Variants in STPG2 observed in about 807,000 individuals in gnomAD.
STPG2 encodes sperm-tail PG-rich repeat-containing protein 2.
In STPG2, 56 loss-of-function variants were observed where a neutral mutation model predicts 54.2. The ratio of observed to expected loss-of-function variants is 1.03; its 90% CI spans 0.83 to 1.29. The LOEUF is 1.29. Ranked by LOEUF, STPG2 falls within the 50% of genes most tolerant of loss-of-function variation. The probability of loss-of-function intolerance (pLI) is 0.00; values close to 1 mark genes in which losing one functional copy is unlikely to be tolerated. For synonymous variants in STPG2, 200 were observed against 181.8 expected (o/e 1.10, Z -0.81); for missense variants, 596 against 544.9 (o/e 1.09, Z -0.93).
intron 9 of STPG2, among the ~76,000 whole-genome samples, chr4:97,776,550 G>A (rs777720108): frequency 1.3e-5 from 2 of 152,096 alleles, no homozygotes; most frequent in Non-Finnish European, 2.9e-5. Context: ...ATATTACAGC[G>A]AGATGAATGG....
rs547183232 is a variant in STPG2 at position 98,074,126 on chromosome 4, T to C, written c.612+31827A>G. Among the ~76,000 whole-genome samples, 17 of 152,366 alleles carry C rather than the reference T, an allele frequency of 1.1e-4. No individual in the cohort carries two copies. The East Asian group carries it at 1.2e-3, about 10-fold the overall frequency. ...CCTACTGAAATTACTTTGCCTGTTA[T>C]AGTTCTTTAGATTACTTTATTAAAA... On this transcript the variant is annotated intron_variant, in intron 5 of 10. Coordinates refer to ENST00000295268, the MANE Select transcript of STPG2 (RefSeq NM_174952.3).
At chr4:98,031,777 A>T (rs1736608412) in intron 5 of STPG2, among the ~76,000 whole-genome samples, 3 of 152,312 alleles carry the variant, frequency 2.0e-5, no homozygotes, top group African/African-American at 7.2e-5. Context: ...GAGTAAACAG[A>T]CAACCCAGAG....
chr4:97,839,689 A>G (rs1421399696), intron 9 of STPG2, among the ~76,000 whole-genome samples: 1 of 151,620 alleles, frequency 6.6e-6, no homozygotes, highest in African/African-American at 2.4e-5. Context: ...AAAAGAAAAT[A>G]AAAAGTGAAA....
chr4:97,889,439 C>T (rs1412601975), intron 8 of STPG2, among the ~76,000 whole-genome samples: 3 of 151,988 alleles, frequency 2.0e-5, no homozygotes, highest in Admixed American at 2.0e-4. Flanking sequence ...AGCAGATGAA[C>T]AGATAAAGAA....
At chr4:97,979,801 T>C (rs1734612927) in intron 6 of STPG2, among the ~76,000 whole-genome samples, 1 of 151,218 alleles carries the variant, frequency 6.6e-6, no homozygotes, top group African/African-American at 2.4e-5. Flanking sequence ...CTCGGCTCAC[T>C]GCAACCTCCG....
intron 10 of STPG2, among the ~76,000 whole-genome samples, chr4:97,622,212 G>A (rs1417869326): frequency 6.6e-6 from 1 of 152,060 alleles, no homozygotes; most frequent in African/African-American, 2.4e-5. Flanking sequence ...CTTGAATACT[G>A]GAACAAGACA....
At chr4:98,034,129 C>T (rs181790989) in intron 5 of STPG2, among the ~76,000 whole-genome samples, 7 of 152,016 alleles carry the variant, frequency 4.6e-5, no homozygotes, top group South Asian at 2.1e-4. Flanking sequence ...AAAAAATAAA[C>T]GGTATTCAAT....
chr4:97,633,224 CTAAG>C (rs1721354845), intron 10 of STPG2, among the ~76,000 whole-genome samples: 1 of 152,078 alleles, frequency 6.6e-6, no homozygotes, highest in African/African-American at 2.4e-5. Flanking sequence ...TTTGATGCTT[CTAAG>C]TGTCAAATAC....
At chr4:98,012,167 TG>T (rs1231041886) in intron 5 of STPG2, among the ~76,000 whole-genome samples, 1 of 152,216 alleles carries the variant, frequency 6.6e-6, no homozygotes, top group East Asian at 1.9e-4. Flanking sequence ...TTTCTGCATA[TG>T]GCTAGCCAGT....
chr4:97,699,673 G>A (rs1342589757), intron 10 of STPG2, among the ~76,000 whole-genome samples: 1 of 152,190 alleles, frequency 6.6e-6, no homozygotes, highest in Non-Finnish European at 1.5e-5. Context: ...GTCCTAGAAA[G>A]AGGCTGTAGT....
chr4:97,518,140 G>T (rs1731112663), intron 4 of STPG2, among the ~76,000 whole-genome samples: 1 of 152,062 alleles, frequency 6.6e-6, no homozygotes, highest in African/African-American at 2.4e-5. Context: ...TGCACTAATG[G>T]TATGTGCAGG....
chr4:98,030,867 C>T (rs967352863), intron 5 of STPG2, among the ~76,000 whole-genome samples: 19 of 152,162 alleles, frequency 1.2e-4, no homozygotes, highest in African/African-American at 3.1e-4. Context: ...CTTCTTTACA[C>T]AATGTACAAA....
intron 9 of STPG2, among the ~76,000 whole-genome samples, chr4:97,833,039 C>T (rs567115855): frequency 7.9e-5 from 12 of 152,204 alleles, no homozygotes; most frequent in African/African-American, 2.9e-4. Context: ...CCAAAAGGAG[C>T]CCGCATTGCC....
chr4:97,596,988 G>T (rs1733311907), intron 10 of STPG2, among the ~76,000 whole-genome samples: 2 of 151,894 alleles, frequency 1.3e-5, no homozygotes, highest in South Asian at 4.1e-4. Flanking sequence ...TTGTTTTCAT[G>T]AAAGAATAAA....
At chr4:97,517,923 C>T (rs1357001772) in intron 4 of STPG2, among the ~76,000 whole-genome samples, 1 of 148,754 alleles carries the variant, frequency 6.7e-6, no homozygotes, top group Non-Finnish European at 1.5e-5. Flanking sequence ...ACCATGTTGT[C>T]TTTATGGATT....
chr4:97,539,951 A>G (rs1731652033), intron 4 of STPG2, among the ~76,000 whole-genome samples: 1 of 152,228 alleles, frequency 6.6e-6, no homozygotes, highest in African/African-American at 2.4e-5. Flanking sequence ...ACAACATACC[A>G]GAATCTCTGA....
At chr4:97,633,043 A>T (rs1721344457) in intron 10 of STPG2, among the ~76,000 whole-genome samples, 1 of 152,170 alleles carries the variant, frequency 6.6e-6, no homozygotes. Flanking sequence ...CCAAATATAT[A>T]AGAAAATATT....
intron 7 of STPG2, among the ~76,000 whole-genome samples, chr4:97,944,227 T>C (rs1332753714): frequency 2.0e-5 from 3 of 152,102 alleles, no homozygotes; most frequent in African/African-American, 7.2e-5. Flanking sequence ...TATGAACCTC[T>C]AGGTAAGTAT....
intron 4 of STPG2, among the ~76,000 whole-genome samples, chr4:97,481,935 ACACT>A (rs1177011683): frequency 6.6e-6 from 1 of 151,654 alleles, no homozygotes; most frequent in African/African-American, 2.4e-5. Flanking sequence ...GAGGGCAAAA[ACACT>A]CAGTCTTTCA....
Sources: allele counts gnomAD v4.1 joint callset (sites outside exome capture counted in the v4.1 genomes callset), GRCh38; gene constraint gnomAD v4.1.1; transcripts MANE v1.5; gene names NCBI Gene and HGNC (gene_info 2026-07-23, HGNC 2026-07-21).